Variants in TFAP2A observed in about 807,000 individuals in gnomAD.
TFAP2A encodes the protein transcription factor AP-2-alpha.
Under a neutral mutation model 41.5 loss-of-function variants are expected in TFAP2A, and 7 were observed. The ratio of observed to expected loss-of-function variants is 0.17; its 90% CI spans 0.10 to 0.32. The LOEUF is 0.32. Ranked by LOEUF, TFAP2A falls within the 10% of genes least tolerant of loss-of-function variation. TFAP2A has a pLI of 1.00. For synonymous variants in TFAP2A, 247 were observed against 242.8 expected (o/e 1.02, Z -0.16); for missense variants, 416 against 563.3 (o/e 0.74, Z 2.65).
In TFAP2A at chr6:10,398,095, G is replaced by T; in HGVS notation, c.*322C>A. On this transcript the variant is annotated 3_prime_UTR_variant, in exon 7 of 7. Coordinates refer to ENST00000379613, the MANE Select transcript of TFAP2A (RefSeq NM_001372066.1). The surrounding 1 kb of genome is among the most constrained non-coding windows in gnomAD (Gnocchi z 5.3). ...TTGTTGTTTTGTTTAAAAAAAAAAG[G>T]GTTCACAAACTTGGCAGAACTTTTC... The T allele has an allele frequency of 3.3e-6, 4 of 1,215,512 alleles. No homozygotes were observed. Among genetic ancestry groups the T allele is most frequent in the Non-Finnish European group, 4.1e-6 (4 of 974,714 alleles). The allele number at this position is 1,215,512 out of a possible 1,614,324, so 75.3% of individuals were successfully genotyped here.
chr6:10,399,007 A>G (rs1442470071), intron 6 of TFAP2A, among the ~76,000 whole-genome samples: 1 of 152,258 alleles, frequency 6.6e-6, no homozygotes, highest in Non-Finnish European at 1.5e-5. Context: ...TCCTAGACAT[A>G]GGAAACCATT....
upstream of TFAP2A, chr6:10,418,431 G>A (rs1468503231): frequency 4.6e-5 from 7 of 152,216 alleles, no homozygotes; most frequent in African/African-American, 1.7e-4. Context: ...TGGGCTTTTG[G>A]GCACACAGAA....
intron 3 of TFAP2A, 90 bp downstream of exon 3, chr6:10,406,703 T>C (rs1474277211): frequency 1.8e-5 from 21 of 1,160,842 alleles, no homozygotes; most frequent in Middle Eastern, 3.8e-4. Context: ...GGAAATCCTA[T>C]TTGGAAAAAA....
At chr6:10,400,914 C>G in intron 5 of TFAP2A, 3 of 500,316 alleles carry the variant, frequency 6.0e-6, no homozygotes, top group Non-Finnish European at 1.1e-5. Context: ...CAACTTCACA[C>G]CTATCAACAC....
intron 2 of TFAP2A, chr6:10,407,584 T>C (rs1757780555): frequency 6.6e-6 from 1 of 151,680 alleles, no homozygotes; most frequent in Non-Finnish European, 1.5e-5. Flanking sequence ...AATGAAGTCA[T>C]GTTTTCTAAT....
At chr6:10,419,298 G>T (rs1758349814), upstream of TFAP2A, 3 of 1,203,326 alleles carry the variant, frequency 2.5e-6, no homozygotes, top group Non-Finnish European at 3.6e-6. Flanking sequence ...TGCCAGGCGC[G>T]CCTCACCTAC....
At position 10,403,957 on chromosome 6, in the gene TFAP2A, C is replaced by A. The variant is rs571113582; in HGVS notation, c.770+551G>T. ...TATGGGGGTCTGGAGATGACAGCGACCGGAAAGCATGGCGTGCGGACTCAA... is the reference window on the plus strand; with the variant it reads ...TATGGGGGTCTGGAGATGACAGCGAACGGAAAGCATGGCGTGCGGACTCAA... On this transcript the variant is annotated intron_variant, in intron 4 of 6. Coordinates refer to ENST00000379613, the MANE Select transcript of TFAP2A (RefSeq NM_001372066.1). 3.3e-5 allele frequency among the ~76,000 whole-genome samples: 5 copies of A among 152,334 alleles called. No homozygotes were observed. In the South Asian group the frequency reaches 1.0e-3, roughly 32 times the overall value.
chr6:10,403,714 G>A (rs1414667622), intron 4 of TFAP2A, among the ~76,000 whole-genome samples: 1 of 152,158 alleles, frequency 6.6e-6, no homozygotes, highest in Non-Finnish European at 1.5e-5. Context: ...CTGCCCTAAG[G>A]GAAGGTGCTT....
rs372282326 is a variant in TFAP2A, at chr6:10,404,265, A to G, written c.770+243T>C. Among the ~76,000 whole-genome samples the G allele has an allele frequency of 2.1e-3, 325 of 152,296 alleles. 1 individual carries two copies. Among genetic ancestry groups the G allele is most frequent in the African/African-American group, 7.5e-3 (310 of 41,566 alleles). ...TCCGCGAGCGCGCGGCAGCGAACGA[A>G]GCGCGCACCAGAACTCGCTCGCGGG... On this transcript the variant is annotated intron_variant, in intron 4 of 6. Coordinates refer to ENST00000379613, the MANE Select transcript of TFAP2A (RefSeq NM_001372066.1).
At chr6:10,405,017 G>T in intron 3 of TFAP2A, 1 of 537,570 alleles carries the variant, frequency 1.9e-6, no homozygotes, top group Non-Finnish European at 3.4e-6. Context: ...CGTCAAGGGT[G>T]CTCTCTAGAG....
chr6:10,411,669 G>T, intron 1 of TFAP2A: 2 of 1,607,392 alleles, frequency 1.2e-6, no homozygotes, highest in African/African-American at 1.3e-5. Flanking sequence ...CTGCCCCGCC[G>T]CCCGAGCGCG....
chr6:10,414,740 A>T (rs1758170687), intron 1 of TFAP2A: 1 of 742,344 alleles, frequency 1.3e-6, no homozygotes, highest in East Asian at 2.7e-5. Flanking sequence ...AAAGTAGGGA[A>T]ACCAAAGAAG....
At chr6:10,417,841 C>T (rs115870452), upstream of TFAP2A, among the ~76,000 whole-genome samples, 3 of 152,168 alleles carry the variant, frequency 2.0e-5, no homozygotes, top group Non-Finnish European at 2.9e-5. Context: ...GCCCGCGGCT[C>T]CCTCCTTCCT....
chr6:10,419,400 A>G (rs1265403772), upstream of TFAP2A: 1 of 1,575,332 alleles, frequency 6.3e-7, no homozygotes, highest in Non-Finnish European at 8.7e-7. Context: ...AACCCCAGCC[A>G]AGGCAAACCC....
At chr6:10,410,532 A>G (rs1019603716) in intron 1 of TFAP2A, among the ~76,000 whole-genome samples, 197 bp from the exon 2 acceptor site, 10 of 152,150 alleles carry the variant, frequency 6.6e-5, no homozygotes, top group Admixed American at 6.5e-4. Context: ...GAGAAACTGT[A>G]TATGGAGGGG....
In TFAP2A at chr6:10,398,212, A is replaced by T. The variant is rs895531375; in HGVS notation, c.*205T>A. Reference sequence around the variant, plus strand: ...GGTGGGGAGGTCGAGGCGGGTGCAGAGTCGGAGAGGCTGCCCCACTGACAG... The same window carrying T: ...GGTGGGGAGGTCGAGGCGGGTGCAGTGTCGGAGAGGCTGCCCCACTGACAG... On this transcript the variant is annotated 3_prime_UTR_variant, in exon 7 of 7. Transcript: ENST00000379613. The surrounding 1 kb of genome is among the most constrained non-coding windows in gnomAD (Gnocchi z 5.3). The T allele has an allele frequency of 1.4e-6, 2 of 1,466,088 alleles. No individual in the cohort carries two copies. The highest frequency in any genetic ancestry group is 1.8e-6 in the Non-Finnish European group (2 of 1,112,582). The allele number at this position is 1,466,088 out of a possible 1,614,324, so 90.8% of individuals were successfully genotyped here.
chr6:10,403,417 C>T (rs3798696), intron 4 of TFAP2A, among the ~76,000 whole-genome samples: 15,564 of 152,136 alleles, frequency 0.1, 892 homozygotes, highest in Middle Eastern at 0.21. Flanking sequence ...CAGTGAAAGA[C>T]TACAAAGGGA....
intron 5 of TFAP2A, among the ~76,000 whole-genome samples, chr6:10,401,772 G>C (rs573711869): frequency 6.6e-5 from 10 of 152,302 alleles, no homozygotes; most frequent in Admixed American, 6.5e-4. Flanking sequence ...GGCCAATCTT[G>C]TATCAGAAAA....
At position 10,398,372 on chromosome 6, in the gene TFAP2A, C is replaced by T. The variant is rs1260664295; in HGVS notation, c.*45G>A. 3 of 943,944 alleles carry T rather than the reference C, an allele frequency of 3.2e-6. No homozygotes were observed. Among genetic ancestry groups the T allele is most frequent in the East Asian group, 6.7e-5 (1 of 14,846 alleles). 58.5% of individuals were successfully genotyped at this position (943,944 alleles called of 1,614,324 possible). The stretch of plus-strand genomic sequence containing the variant: ...TGTCACCCGCCGGAGGGTGGGCGCG[C>T]GGGGGGCTGGTGAGGCGTGGGAGGG... On this transcript the variant is annotated 3_prime_UTR_variant, in exon 7 of 7. Coordinates refer to ENST00000379613, the MANE Select transcript of TFAP2A (RefSeq NM_001372066.1). The surrounding 1 kb of genome is among the most constrained non-coding windows in gnomAD (Gnocchi z 5.3).
Sources: allele counts gnomAD v4.1 joint callset (sites outside exome capture counted in the v4.1 genomes callset), GRCh38; gene constraint gnomAD v4.1.1; non-coding constraint Gnocchi (gnomAD v3.1); transcripts MANE v1.5; gene names NCBI Gene and HGNC (gene_info 2026-07-23, HGNC 2026-07-21).